SRFBP1: variants seen among roughly 807,000 people sequenced by gnomAD.
SRFBP1 encodes the protein serum response factor-binding protein 1.
A neutral mutation model predicts 45.5 loss-of-function variants in SRFBP1; 47 were observed. That is an observed-to-expected ratio of 1.03 (90% CI 0.82 to 1.32). The LOEUF is 1.32. SRFBP1 is among the 40% of genes most tolerant of loss of function. The pLI is 0.00. For missense variants in SRFBP1, 621 were observed against 484.6 expected, an observed-to-expected ratio of 1.28 and a Z score of -2.64; for synonymous variants, 203 against 166.3, an observed-to-expected ratio of 1.22 and a Z score of -1.70.
At position 122,052,504 on chromosome 5, in the gene SRFBP1, G is replaced by A. The variant is rs1284710107; in HGVS notation, n.312-22811G>A. ...GAATTATTTCAGAGTGCCAGTCTTCGAGTCCTGAGATTCCTCCCTCAGCTT... is the reference window on the plus strand; with the variant it reads ...GAATTATTTCAGAGTGCCAGTCTTCAAGTCCTGAGATTCCTCCCTCAGCTT... On this transcript the variant is annotated intron_variant and non_coding_transcript_variant, in intron 2 of 2. Transcript: ENST00000504881. 7.9e-5 allele frequency among the ~76,000 whole-genome samples: 12 copies of A among 151,844 alleles called. 1 individual carries two copies. Among genetic ancestry groups the A allele is most frequent in the South Asian group, 4.2e-4 (2 of 4,804 alleles).
At chr5:122,034,275 C>T (rs1168269291) in intron 2 of SRFBP1, among the ~76,000 whole-genome samples, 1 of 152,052 alleles carries the variant, frequency 6.6e-6, no homozygotes, top group East Asian at 1.9e-4. Flanking sequence ...TGCTGTCAAC[C>T]CTGCCAGATT....
At chr5:122,069,523 C>A (rs867434810) in intron 2 of SRFBP1, among the ~76,000 whole-genome samples, 6 of 152,012 alleles carry the variant, frequency 3.9e-5, no homozygotes, top group East Asian at 1.9e-4. Flanking sequence ...TATGAAGAAA[C>A]CTCCACACAC....
chr5:121,993,172 T>C (rs990220371), intron 3 of SRFBP1, among the ~76,000 whole-genome samples: 3 of 152,168 alleles, frequency 2.0e-5, no homozygotes, highest in South Asian at 4.1e-4. Context: ...TTGTTGATTT[T>C]GAACCTTCAC....
intron 2 of SRFBP1, among the ~76,000 whole-genome samples, chr5:122,055,593 C>A (rs1055774403): frequency 2.0e-5 from 3 of 151,808 alleles, no homozygotes; most frequent in Admixed American, 6.6e-5. Context: ...TCCAGTAAAA[C>A]CAATAAAAGA....
intron 3 of SRFBP1, among the ~76,000 whole-genome samples, chr5:121,975,642 T>A (rs1211612963): frequency 6.6e-6 from 1 of 152,014 alleles, no homozygotes; most frequent in Non-Finnish European, 1.5e-5. Context: ...AATTCATCTA[T>A]GTTTAATAAT....
At chr5:122,018,090 A>T (rs1753224119) in intron 4 of SRFBP1, among the ~76,000 whole-genome samples, 1 of 152,230 alleles carries the variant, frequency 6.6e-6, no homozygotes, top group African/African-American at 2.4e-5. Flanking sequence ...GAATACAGTG[A>T]GATGATCAGC....
intron 4 of SRFBP1, among the ~76,000 whole-genome samples, chr5:122,003,845 G>A (rs79351228): frequency 0.038 from 5,828 of 152,216 alleles, 321 homozygotes; most frequent in African/African-American, 0.12. Context: ...TCTGTTGGCC[G>A]TTTGAATGTG....
chr5:121,972,889 G>A (rs1752228023), intron 1 of SRFBP1, among the ~76,000 whole-genome samples: 1 of 152,006 alleles, frequency 6.6e-6, no homozygotes, highest in Non-Finnish European at 1.5e-5. Context: ...GTAAAGAAGT[G>A]AAGATATAAT....
chr5:121,976,827 T>C (rs1752312061), intron 3 of SRFBP1, among the ~76,000 whole-genome samples: 1 of 150,890 alleles, frequency 6.6e-6, no homozygotes, highest in Non-Finnish European at 1.5e-5. Context: ...TTTGTAATAC[T>C]GTTTAAAAAC....
intron 2 of SRFBP1, among the ~76,000 whole-genome samples, chr5:122,037,894 A>G (rs1753718030): frequency 2.0e-5 from 3 of 152,190 alleles, no homozygotes; most frequent in East Asian, 3.8e-4. Context: ...TATCAAACCA[A>G]TTAGTATACA....
At chr5:122,015,971 A>C (rs1189743989) in intron 4 of SRFBP1, among the ~76,000 whole-genome samples, 1 of 151,992 alleles carries the variant, frequency 6.6e-6, no homozygotes, top group African/African-American at 2.4e-5. Context: ...CTCCTTATAT[A>C]CTTGAATCAG....
chr5:122,070,056 GA>G, intron 2 of SRFBP1: 1 of 1,605,096 alleles, frequency 6.2e-7, no homozygotes, highest in Non-Finnish European at 8.5e-7. Flanking sequence ...CACTTACGGT[GA>G]AATTGTGCAG....
intron 4 of SRFBP1, among the ~76,000 whole-genome samples, chr5:121,995,882 C>T (rs1182765224): frequency 6.6e-6 from 1 of 152,114 alleles, no homozygotes; most frequent in East Asian, 1.9e-4. Flanking sequence ...ATACTACAAA[C>T]ACCTCTACGC....
intron 1 of SRFBP1, among the ~76,000 whole-genome samples, chr5:121,965,227 C>G (rs1232467299): frequency 6.6e-6 from 1 of 152,138 alleles, no homozygotes; most frequent in Non-Finnish European, 1.5e-5. Context: ...GCTTTTGTTG[C>G]CATTGCTTTT....
intron 2 of SRFBP1, among the ~76,000 whole-genome samples, chr5:122,054,606 A>G (rs1754047140): frequency 6.6e-6 from 1 of 152,154 alleles, no homozygotes; most frequent in Non-Finnish European, 1.5e-5. Flanking sequence ...GATTTGGCTC[A>G]TGGTTCATAT....
chr5:122,025,569 G>A (rs940376528), intron 7 of SRFBP1, among the ~76,000 whole-genome samples: 2 of 152,088 alleles, frequency 1.3e-5, no homozygotes, highest in South Asian at 2.1e-4. Flanking sequence ...CTAGTTTACA[G>A]TCCCACCAAC....
intron 2 of SRFBP1, chr5:122,065,049 A>G (rs1426517788): frequency 4.6e-5 from 7 of 152,098 alleles, no homozygotes; most frequent in African/African-American, 1.4e-4. Context: ...AAAGCAATTT[A>G]AGGCAAAGAG....
chr5:122,032,721 A>G (rs1753610358), downstream of SRFBP1, among the ~76,000 whole-genome samples: 3 of 152,204 alleles, frequency 2.0e-5, no homozygotes, highest in Admixed American at 6.5e-5. Flanking sequence ...ATTACAAACA[A>G]TGTTGCAAAG....
chr5:121,966,151 C>T (rs1238879385), intron 1 of SRFBP1, among the ~76,000 whole-genome samples: 2 of 152,218 alleles, frequency 1.3e-5, no homozygotes, highest in Non-Finnish European at 2.9e-5. Context: ...GTTTGACTTC[C>T]TCTCTTCCTA....
Sources: gnomAD v4.1 joint callset for allele counts (sites outside exome capture counted in the v4.1 genomes callset) on GRCh38, gnomAD v4.1.1 for gene constraint, MANE v1.5 for transcripts, NCBI Gene and HGNC (gene_info 2026-07-23, HGNC 2026-07-21) for gene names.